TYW1: variants seen among roughly 807,000 people sequenced by gnomAD.
TYW1 encodes tRNA-yW synthesizing protein 1 homolog, also known as S-adenosyl-L-methionine-dependent tRNA 4-demethylwyosine synthase TYW1.
A neutral mutation model predicts 96.2 loss-of-function variants in TYW1; 46 were observed. That is an observed-to-expected ratio of 0.48 (90% CI 0.38 to 0.61). TYW1 has a LOEUF of 0.61. Ranked by LOEUF, TYW1 falls within the 20% of genes least tolerant of loss-of-function variation. The pLI, the probability that TYW1 is intolerant of heterozygous loss-of-function variation, is 0.00. For synonymous variants in TYW1, 274 were observed against 323.0 expected (o/e 0.85, Z 1.63); for missense variants, 684 against 909.6 (o/e 0.75, Z 3.19).
At chr7:67,222,565 C>CTG (rs1801428396) in intron 15 of TYW1, among the ~76,000 whole-genome samples, 4 of 152,216 alleles carry the variant, frequency 2.6e-5, no homozygotes, top group South Asian at 4.1e-4. Context: ...TAAGTATACC[C>CTG]TGTGTGTGTG....
At chr7:67,109,291 A>G (rs1797332398) in intron 12 of TYW1, among the ~76,000 whole-genome samples, 1 of 149,708 alleles carries the variant, frequency 6.7e-6, no homozygotes, top group African/African-American at 2.5e-5. Context: ...AAAAAAAAAA[A>G]AAAAGAAAGA....
At chr7:67,124,251 A>G (rs1219826251) in intron 13 of TYW1, among the ~76,000 whole-genome samples, 5 of 152,136 alleles carry the variant, frequency 3.3e-5, no homozygotes, top group Non-Finnish European at 5.9e-5. Flanking sequence ...TTGCAACTAT[A>G]TATATGTTAT....
chr7:67,030,368 G>A (rs1211543442), intron 7 of TYW1, among the ~76,000 whole-genome samples: 2 of 152,148 alleles, frequency 1.3e-5, no homozygotes, highest in African/African-American at 4.8e-5. Context: ...GGTGGCTCAT[G>A]CCTGTAATCC....
At position 66,998,146 on chromosome 7, in the gene TYW1, C is replaced by G; in HGVS notation, c.86C>G (p.Ala29Gly). ...AGGTTTTACATTTATTTGGGCTTTGCTGTTAGCATTAGCCTTTGGATTTGT... is the reference window on the plus strand; with the variant it reads ...AGGTTTTACATTTATTTGGGCTTTGGTGTTAGCATTAGCCTTTGGATTTGT... ...INRFYIYLGFAVSISLWICVQ... is the reference protein window; with the variant it reads ...INRFYIYLGFGVSISLWICVQ... Residue 29 changes from alanine (A) to glycine (G), a missense_variant, in exon 2 of 16, where the codon GCT becomes GGT. Physicochemically the swap from Ala to Gly is moderately conservative, Grantham distance 60. Coordinates refer to ENST00000359626, the MANE Select transcript of TYW1 (RefSeq NM_018264.4). 1 of 1,612,648 alleles carries G rather than the reference C, an allele frequency of 6.2e-7. No individual in the cohort carries two copies. The highest frequency in any genetic ancestry group is 8.5e-7 in the Non-Finnish European group (1 of 1,179,612).
rs36007120 is a variant in TYW1 at position 67,047,783 on chromosome 7, ATTTTTTTTTT to A, written c.985-2149_985-2140del. On this transcript the variant is annotated intron_variant, in intron 7 of 15. Coordinates refer to ENST00000359626, the MANE Select transcript of TYW1 (RefSeq NM_018264.4). ...TTTCACTTACTTTCTGTGAGTGTCA[ATTTTTTTTTT>A]TTTTTTTTTTTTTTTTGAGGCAGAG... Among the ~76,000 whole-genome samples the A allele has an allele frequency of 8.2e-3, 652 of 79,898 alleles. 4 individuals are homozygous for A. The highest frequency in any genetic ancestry group is 0.029 in the African/African-American group (612 of 21,420). The allele number at this position is 79,898 out of a possible 152,430, so 52.4% of individuals were successfully genotyped here.
intron 13 of TYW1, among the ~76,000 whole-genome samples, chr7:67,149,899 T>A (rs1427321484): frequency 6.6e-6 from 1 of 152,010 alleles, no homozygotes; most frequent in African/African-American, 2.4e-5. Flanking sequence ...TTCATTTTAT[T>A]TTTGTTCACT....
chr7:67,161,998 G>A (rs1010146954), intron 13 of TYW1, among the ~76,000 whole-genome samples: 2 of 151,926 alleles, frequency 1.3e-5, no homozygotes, highest in African/African-American at 4.8e-5. Context: ...GTTAATTGAT[G>A]GGTTAAAAAC....
At chr7:67,043,568 T>G (rs2129257785) in intron 7 of TYW1, among the ~76,000 whole-genome samples, 1 of 152,260 alleles carries the variant, frequency 6.6e-6, no homozygotes, top group African/African-American at 2.4e-5. Context: ...TGATTATAAA[T>G]TTCTGTTGGT....
intron 9 of TYW1, among the ~76,000 whole-genome samples, chr7:67,066,002 T>TACACAC (rs778159395): frequency 1.7e-4 from 16 of 93,188 alleles, no homozygotes; most frequent in Admixed American, 1.5e-3. Flanking sequence ...AGAGTGAGAC[T>TACACAC]ACACACACAC....
intron 15 of TYW1, among the ~76,000 whole-genome samples, chr7:67,231,807 T>G (rs1390427285): frequency 6.6e-6 from 1 of 151,204 alleles, no homozygotes; most frequent in Non-Finnish European, 1.5e-5. Context: ...CCTTCACTTC[T>G]TAACATTTCC....
At chr7:67,200,949 A>G (rs1341941469) in intron 15 of TYW1, among the ~76,000 whole-genome samples, 1 of 152,164 alleles carries the variant, frequency 6.6e-6, no homozygotes, top group Non-Finnish European at 1.5e-5. Context: ...GGTCAAGAGA[A>G]GGGTTGCAGG....
At chr7:67,115,240 C>CCT (rs1797558786) in intron 12 of TYW1, among the ~76,000 whole-genome samples, 1 of 134,888 alleles carries the variant, frequency 7.4e-6, no homozygotes, top group Admixed American at 7.5e-5. Flanking sequence ...TAAGACAGTC[C>CCT]TTTTTTTTTT....
At chr7:67,226,789 AC>A (rs1396899616) in intron 15 of TYW1, among the ~76,000 whole-genome samples, 1 of 152,090 alleles carries the variant, frequency 6.6e-6, no homozygotes, top group African/African-American at 2.4e-5. Context: ...TCTAAAAATC[AC>A]CCCTCAGTAT....
Position 67,157,963 on chromosome 7 carries a change from T to A in TYW1, c.1699-25163T>A, listed in dbSNP as rs1321010881. 1.4e-4 allele frequency among the ~76,000 whole-genome samples: 21 copies of A among 152,312 alleles called. 1 individual carries two copies. The East Asian group carries it at 4.0e-3, about 29-fold the overall frequency. On this transcript the variant is annotated intron_variant, in intron 13 of 15. Transcript: ENST00000359626. ...TGTGATTTTGATTAGTAAAGACTGT[T>A]ATGTTTTAGGGGGAAAGTATGCACT... is the stretch of plus-strand genomic sequence containing the variant.
intron 12 of TYW1, among the ~76,000 whole-genome samples, chr7:67,099,956 C>T (rs1373555636): frequency 5.3e-5 from 8 of 151,814 alleles, no homozygotes; most frequent in African/African-American, 9.7e-5. Context: ...GAGCCGAGAT[C>T]GCACCATTGC....
intron 14 of TYW1, among the ~76,000 whole-genome samples, chr7:67,193,184 G>C (rs187307143): frequency 6.6e-6 from 1 of 152,142 alleles, no homozygotes; most frequent in Non-Finnish European, 1.5e-5. Context: ...ATTTCTGTTA[G>C]TCGTTGGTTT....
chr7:67,062,577 A>AAAAAAAAAAAAAAAAAAG (rs773963932), intron 9 of TYW1, among the ~76,000 whole-genome samples: 2 of 147,118 alleles, frequency 1.4e-5, no homozygotes, highest in Non-Finnish European at 3.0e-5. Flanking sequence ...AAAAAAAAAA[A>AAAAAAAAAAAAAAAAAAG]AAAAGAAAAG....
chr7:67,124,937 C>T (rs906815991), intron 13 of TYW1, among the ~76,000 whole-genome samples: 2 of 152,088 alleles, frequency 1.3e-5, no homozygotes, highest in Non-Finnish European at 2.9e-5. Context: ...TGGGTTCAAG[C>T]GATTCTCCTG....
chr7:67,220,101 AT>A (rs1477129275), intron 15 of TYW1, among the ~76,000 whole-genome samples: 1 of 148,648 alleles, frequency 6.7e-6, no homozygotes, highest in African/African-American at 2.5e-5. Context: ...GCATTTTCTA[AT>A]TTCCCTTGTG....
Sources: allele counts gnomAD v4.1 joint callset (sites outside exome capture counted in the v4.1 genomes callset), GRCh38; gene constraint gnomAD v4.1.1; transcripts MANE v1.5; gene names NCBI Gene and HGNC (gene_info 2026-07-23, HGNC 2026-07-21).